Variants in ATPAF2 observed in about 807,000 individuals in gnomAD.
The protein encoded by ATPAF2 is ATP synthase mitochondrial F1 complex assembly factor 2.
ATPAF2 carries 30 observed loss-of-function variants against 36.6 expected under a neutral mutation model. That is an observed-to-expected ratio of 0.82 (90% confidence interval 0.61 to 1.11). The LOEUF (loss-of-function observed/expected upper bound fraction) is 1.11. Among genes scored for constraint, ATPAF2 ranks in the 50% most tolerant of loss-of-function variants. The pLI is 0.00. For missense variants in ATPAF2, 321 were observed against 372.3 expected (o/e 0.86, Z 1.13); for synonymous variants, 140 against 152.6 (o/e 0.92, Z 0.61).
rs138105611 is a variant in ATPAF2, at chr17:18,018,902, G to A, written c.733-216C>T. Among the ~76,000 whole-genome samples the A allele has an allele frequency of 2.5e-3, 378 of 152,304 alleles. 14 individuals carry two copies. The East Asian group carries it at 0.063, about 25-fold the overall frequency. On this transcript the variant is annotated intron_variant, in intron 7 of 7. Coordinates refer to ENST00000474627, the MANE Select transcript of ATPAF2 (RefSeq NM_145691.4). ...TGTAATCCCAGCACTCTGGGAGACCGAGGCAGGAAGACTGCTTGAATCCAG... is the reference window on the plus strand; with the variant it reads ...TGTAATCCCAGCACTCTGGGAGACCAAGGCAGGAAGACTGCTTGAATCCAG...
rs199737841 is a variant in ATPAF2, at chr17:18,021,106, G to A, written c.732+17C>T. On this transcript the variant is annotated intron_variant, in intron 7 of 7. Coordinates refer to ENST00000474627, the MANE Select transcript of ATPAF2 (RefSeq NM_145691.4). ...AACTAGGAAGGGGGAGGCGGGACCTGAGGTGCTGCTCCTCACCTGGTACTC... is the reference window on the plus strand; with the variant it reads ...AACTAGGAAGGGGGAGGCGGGACCTAAGGTGCTGCTCCTCACCTGGTACTC... The A allele has an allele frequency of 1.2e-6, 2 of 1,606,926 alleles. No homozygotes were observed. The highest frequency in any genetic ancestry group is 1.7e-6 in the Non-Finnish European group (2 of 1,176,486).
chr17:18,037,076 T>G (rs929792155), intron 1 of ATPAF2, among the ~76,000 whole-genome samples: 4 of 152,066 alleles, frequency 2.6e-5, no homozygotes, highest in Admixed American at 1.3e-4. Context: ...CATCTCAAAA[T>G]AAATAAATAA....
At chr17:18,032,472 G>A (rs188558395) in intron 1 of ATPAF2, among the ~76,000 whole-genome samples, 61 of 152,264 alleles carry the variant, frequency 4.0e-4, no homozygotes, top group Non-Finnish European at 6.0e-4. Context: ...AAAATGAGAC[G>A]GCAGAAGGGC....
intron 1 of ATPAF2, among the ~76,000 whole-genome samples, chr17:18,037,024 T>C (rs1374683973): frequency 6.6e-6 from 1 of 152,050 alleles, no homozygotes; most frequent in Non-Finnish European, 1.5e-5. Flanking sequence ...TGAGCCAAGA[T>C]CACACCATTG....
At chr17:18,037,380 G>A (rs965674539) in intron 1 of ATPAF2, among the ~76,000 whole-genome samples, 1 of 152,132 alleles carries the variant, frequency 6.6e-6, no homozygotes, top group Admixed American at 6.5e-5. Flanking sequence ...ACAAAGTCAG[G>A]AGTTCGAGAC....
In ATPAF2 at chr17:18,038,872, T is replaced by G. The variant is rs1312910678; in HGVS notation, c.133+9A>C. 6.2e-7 allele frequency: 1 copy of G among 1,613,758 alleles called. No individual in the cohort carries two copies. Among genetic ancestry groups the G allele is most frequent in the Non-Finnish European group, 8.5e-7 (1 of 1,179,772 alleles). Reference sequence around the variant, plus strand: ...GGCCCCAACCCAAAAGAACATGTCATGGTCTTACCTGTCGGCGGGGCGTAA... The same window carrying G: ...GGCCCCAACCCAAAAGAACATGTCAGGGTCTTACCTGTCGGCGGGGCGTAA... On this transcript the variant is annotated intron_variant, in intron 1 of 7. Transcript: ENST00000474627.
At chr17:18,026,975 C>T (rs1246967473) in intron 3 of ATPAF2, among the ~76,000 whole-genome samples, 22 of 152,096 alleles carry the variant, frequency 1.4e-4, no homozygotes, top group Non-Finnish European at 7.4e-5. Context: ...AATCTCAGCA[C>T]TTTGGGAGGC....
intron 1 of ATPAF2, among the ~76,000 whole-genome samples, chr17:18,029,959 G>A (rs1487959766): frequency 6.6e-6 from 1 of 151,548 alleles, no homozygotes; most frequent in Non-Finnish European, 1.5e-5. Context: ...GGCCAAGGTG[G>A]GAAGACTGCT....
chr17:18,036,270 T>C (rs1401055675), intron 1 of ATPAF2, among the ~76,000 whole-genome samples: 1 of 151,960 alleles, frequency 6.6e-6, no homozygotes, highest in Non-Finnish European at 1.5e-5. Context: ...GTAAGGTCTT[T>C]AGAGAGAACA....
In ATPAF2 at chr17:18,018,705, A is replaced by G. The variant is rs762817873; in HGVS notation, c.733-19T>C. The G allele has an allele frequency of 7.4e-6, 12 of 1,613,682 alleles. No homozygotes were observed. The highest frequency in any genetic ancestry group is 9.3e-6 in the Non-Finnish European group (11 of 1,179,964). On this transcript the variant is annotated intron_variant, in intron 7 of 7. Coordinates refer to ENST00000474627, the MANE Select transcript of ATPAF2 (RefSeq NM_145691.4). ...TCTGGATCTGAGGGAAGGACAAGAC[A>G]AGTTGCTGGGTGAGTGGCCAGTGCC...
In ATPAF2 at chr17:18,024,819, C is replaced by G. The variant is rs1017605253; in HGVS notation, c.423-115G>C. ...AAAAACTTCACCACCACCATCCCAGCCCCACAAGTCTTTTCCCCTAAAGCA... is the reference window on the plus strand; with the variant it reads ...AAAAACTTCACCACCACCATCCCAGGCCCACAAGTCTTTTCCCCTAAAGCA... On this transcript the variant is annotated intron_variant, in intron 4 of 7. Transcript: ENST00000474627. 8.3e-6 allele frequency: 7 copies of G among 843,568 alleles called. No individual in the cohort carries two copies. In the African/African-American group the frequency reaches 1.2e-4, roughly 14 times the overall value. The allele number at this position is 843,568 out of a possible 1,614,324, so 52.3% of individuals were successfully genotyped here.
rs1448733563 is a variant in ATPAF2, at chr17:18,031,036, G to A, written c.134-2377C>T. 1.1e-4 allele frequency among the ~76,000 whole-genome samples: 16 copies of A among 139,620 alleles called. No homozygotes were observed. The East Asian group carries it at 1.9e-3, about 17-fold the overall frequency. The allele number at this position is 139,620 out of a possible 152,430, so 91.6% of individuals were successfully genotyped here. On this transcript the variant is annotated intron_variant, in intron 1 of 7. Coordinates refer to ENST00000474627, the MANE Select transcript of ATPAF2 (RefSeq NM_145691.4). ...CGCCCAGGCTGTAGTGCAGTGGCGC[G>A]ATCTCGGTTCACTGCAAGTTCTGCC...
At chr17:18,020,927 C>T (rs2044460593) in intron 7 of ATPAF2, 196 bp downstream of exon 7, 2 of 1,368,968 alleles carry the variant, frequency 1.5e-6, no homozygotes, top group Non-Finnish European at 9.5e-7. Context: ...ACCCAAAGTG[C>T]TGGGATTACA....
At chr17:18,026,785 C>A in intron 3 of ATPAF2, 1 of 347,268 alleles carries the variant, frequency 2.9e-6, no homozygotes, top group South Asian at 3.0e-5. Flanking sequence ...AAACTGAGGC[C>A]CAGACAGGTT....
intron 3 of ATPAF2, among the ~76,000 whole-genome samples, chr17:18,027,467 C>A (rs1270907999): frequency 2.6e-5 from 4 of 152,162 alleles, no homozygotes; most frequent in African/African-American, 9.7e-5. Context: ...TGCTGGGGAC[C>A]ATGCCAAGGG....
intron 4 of ATPAF2, chr17:18,025,244 C>T (rs1199343172): frequency 1.5e-5 from 3 of 196,806 alleles, no homozygotes; most frequent in Admixed American, 5.3e-5. Context: ...CTCATAAGTC[C>T]ACCCACCTCC....
intron 5 of ATPAF2, among the ~76,000 whole-genome samples, chr17:18,023,222 G>C (rs966473193): frequency 1.3e-5 from 2 of 151,712 alleles, no homozygotes; most frequent in African/African-American, 4.8e-5. Flanking sequence ...CTTGAGGTCA[G>C]GAGTTCGAGA....
At chr17:18,016,836 A>G (rs978763994), downstream of ATPAF2, 1 of 505,234 alleles carries the variant, frequency 2.0e-6, no homozygotes, top group Non-Finnish European at 3.5e-6. Flanking sequence ...CCAAAAGTAG[A>G]GAAAATAAAG....
At chr17:18,037,047 G>A (rs973450638) in intron 1 of ATPAF2, among the ~76,000 whole-genome samples, 2 of 151,924 alleles carry the variant, frequency 1.3e-5, no homozygotes, top group Non-Finnish European at 2.9e-5. Context: ...TGCCAGCCTG[G>A]GTGACAAGTG....
Sources: allele counts gnomAD v4.1 joint callset (sites outside exome capture counted in the v4.1 genomes callset), GRCh38; gene constraint gnomAD v4.1.1; transcripts MANE v1.5; gene names NCBI Gene and HGNC (gene_info 2026-07-23, HGNC 2026-07-21).